NAALADL2: variants seen among roughly 807,000 people sequenced by gnomAD.
The protein encoded by NAALADL2 is N-acetylated alpha-linked acidic dipeptidase like 2, also known as inactive N-acetylated-alpha-linked acidic dipeptidase-like protein 2.
NAALADL2 carries 76 observed loss-of-function variants against 87.2 expected under a neutral mutation model. The observed-to-expected ratio is 0.87, with a 90% CI of 0.72 to 1.05. NAALADL2 has a LOEUF of 1.05. NAALADL2 is among the 50% of genes least tolerant of loss of function. The probability of loss-of-function intolerance (pLI) is 0.00; values close to 1 mark genes in which losing one functional copy is unlikely to be tolerated. For missense variants in NAALADL2, 1,089 were observed against 945.8 expected, an observed-to-expected ratio of 1.15 and a Z score of -1.99; for synonymous variants, 354 against 331.0, an observed-to-expected ratio of 1.07 and a Z score of -0.75.
At chr3:175,004,869 TC>T (rs1748808517) in intron 1 of NAALADL2, among the ~76,000 whole-genome samples, 1 of 136,396 alleles carries the variant, frequency 7.3e-6, no homozygotes. Context: ...TATTCCAAAA[TC>T]AAAAAAAAAA....
At chr3:174,637,619 G>A (rs1304618668) in intron 2 of NAALADL2, among the ~76,000 whole-genome samples, 1 of 151,964 alleles carries the variant, frequency 6.6e-6, no homozygotes, top group Non-Finnish European at 1.5e-5. Flanking sequence ...TCCAAATATA[G>A]GAGAACAGTT....
rs1242780141 is a variant in NAALADL2 at position 175,718,348 on chromosome 3, G to C, written c.1897-18958G>C. ...CTATATGAATTCTGCCATTTTGCTAGCACTGATATGCTCTTGGGTCCACCA... is the reference window on the plus strand; with the variant it reads ...CTATATGAATTCTGCCATTTTGCTACCACTGATATGCTCTTGGGTCCACCA... On this transcript the variant is annotated intron_variant, in intron 11 of 13. Transcript: ENST00000454872. 6 of 1,602,366 alleles carry C rather than the reference G, an allele frequency of 3.7e-6. No homozygotes were observed. In the African/African-American group the frequency reaches 6.7e-5, roughly 18 times the overall value.
chr3:175,383,670 C>T (rs1380090796), intron 5 of NAALADL2, among the ~76,000 whole-genome samples: 1 of 151,886 alleles, frequency 6.6e-6, no homozygotes, highest in African/African-American at 2.4e-5. Flanking sequence ...GTAAACCTAA[C>T]AGAGTATAAG....
intron 1 of NAALADL2, among the ~76,000 whole-genome samples, chr3:174,493,021 A>C (rs1718299414): frequency 6.6e-6 from 1 of 152,198 alleles, no homozygotes; most frequent in Non-Finnish European, 1.5e-5. Flanking sequence ...TTTCTTATAC[A>C]GTGTTTTATA....
At chr3:175,227,600 C>G (rs1304508047) in intron 2 of NAALADL2, among the ~76,000 whole-genome samples, 1 of 151,860 alleles carries the variant, frequency 6.6e-6, no homozygotes, top group Non-Finnish European at 1.5e-5. Flanking sequence ...AGCAAACTAC[C>G]TAATTATAGC....
At chr3:175,554,585 G>A (rs1714956216) in intron 9 of NAALADL2, among the ~76,000 whole-genome samples, 1 of 151,898 alleles carries the variant, frequency 6.6e-6, no homozygotes, top group South Asian at 2.1e-4. Context: ...TTACATGGGG[G>A]TACCTTCTCA....
chr3:175,803,228 T>G lies in NAALADL2; in HGVS notation c.*25T>G. 1 of 1,544,594 alleles carries G rather than the reference T, an allele frequency of 6.5e-7. No homozygotes were observed. The highest frequency in any genetic ancestry group is 1.2e-5 in the South Asian group (1 of 84,246). On this transcript the variant is annotated 3_prime_UTR_variant, in exon 14 of 14. Transcript: ENST00000454872. ...AGAAAACTCTGAGCATTTTTAAAAG[T>G]TTGTTTACAATTCCACAAGCAAAAG...
intron 1 of NAALADL2, among the ~76,000 whole-genome samples, chr3:174,508,768 C>T (rs573470944): frequency 6.6e-6 from 1 of 152,254 alleles, no homozygotes; most frequent in African/African-American, 2.4e-5. Context: ...TAATTTCTGG[C>T]TGGGCGCAGT....
intron 7 of NAALADL2, among the ~76,000 whole-genome samples, chr3:175,466,405 A>C (rs574510737): frequency 6.6e-6 from 1 of 152,296 alleles, no homozygotes; most frequent in African/African-American, 2.4e-5. Context: ...ATTGCATTAA[A>C]TAAAATATGT....
chr3:174,717,342 A>G (rs913401149), intron 2 of NAALADL2, among the ~76,000 whole-genome samples: 9 of 152,186 alleles, frequency 5.9e-5, no homozygotes, highest in African/African-American at 2.2e-4. Context: ...GATGCACCAG[A>G]GACTTTCAGT....
intron 2 of NAALADL2, among the ~76,000 whole-genome samples, chr3:175,181,724 T>TGC (rs1458746511): frequency 2.2e-5 from 1 of 46,444 alleles, no homozygotes; most frequent in African/African-American, 5.9e-5. Flanking sequence ...TGTGTATATA[T>TGC]ATGTATATAT....
intron 5 of NAALADL2, among the ~76,000 whole-genome samples, chr3:175,400,625 A>G (rs963359297): frequency 2.0e-5 from 3 of 152,206 alleles, no homozygotes; most frequent in Non-Finnish European, 4.4e-5. Context: ...TTTATAACCC[A>G]AAACAATAAA....
intron 5 of NAALADL2, among the ~76,000 whole-genome samples, chr3:175,354,392 G>A (rs1764113448): frequency 6.6e-6 from 1 of 152,018 alleles, no homozygotes; most frequent in South Asian, 2.1e-4. Flanking sequence ...ACAACTGATA[G>A]CATGAAGATA....
intron 2 of NAALADL2, among the ~76,000 whole-genome samples, chr3:174,589,407 C>T (rs189899922): frequency 3.9e-5 from 6 of 152,258 alleles, no homozygotes; most frequent in Admixed American, 2.6e-4. Flanking sequence ...TGAGACCAAC[C>T]CGGTACCTCA....
intron 2 of NAALADL2, among the ~76,000 whole-genome samples, chr3:174,694,772 G>C (rs1426134438): frequency 5.3e-5 from 8 of 151,918 alleles, no homozygotes; most frequent in Admixed American, 2.0e-4. Flanking sequence ...AGTATTTTTA[G>C]TGTGTTTTTA....
intron 1 of NAALADL2, among the ~76,000 whole-genome samples, chr3:174,495,493 T>C (rs1718474630): frequency 6.6e-6 from 1 of 152,220 alleles, no homozygotes; most frequent in African/African-American, 2.4e-5. Context: ...CATTTCTCCC[T>C]GAGTATTGTG....
chr3:174,906,527 G>C (rs1331858384), intron 1 of NAALADL2, among the ~76,000 whole-genome samples: 4 of 152,102 alleles, frequency 2.6e-5, no homozygotes, highest in African/African-American at 9.7e-5. Flanking sequence ...AGGCCTACAT[G>C]GCAAGGATTT....
chr3:175,078,654 T>C (rs1304647047), intron 1 of NAALADL2, among the ~76,000 whole-genome samples: 1 of 152,330 alleles, frequency 6.6e-6, no homozygotes, highest in East Asian at 1.9e-4. Context: ...TATCTGCCTA[T>C]TCTGGACTTA....
intron 13 of NAALADL2, chr3:175,776,281 T>G (rs1750229518): frequency 6.6e-6 from 1 of 152,216 alleles, no homozygotes; most frequent in African/African-American, 2.4e-5. Context: ...CAGTAGCCTG[T>G]TCCCTTGCTG....
Sources: gnomAD v4.1 joint callset for allele counts (sites outside exome capture counted in the v4.1 genomes callset) on GRCh38, gnomAD v4.1.1 for gene constraint, MANE v1.5 for transcripts, NCBI Gene and HGNC (gene_info 2026-07-23, HGNC 2026-07-21) for gene names.